The following SLC35F1 variants were observed in gnomAD, a reference collection of about 807,000 sequenced individuals.
SLC35F1 encodes the protein chromosome 6 open reading frame 169.
A neutral mutation model predicts 48.7 loss-of-function variants in SLC35F1; 14 were observed. The observed-to-expected ratio is 0.29, with a 90% CI of 0.19 to 0.45. SLC35F1 has a LOEUF of 0.45. SLC35F1 is among the 20% of genes least tolerant of loss of function. SLC35F1 has a pLI of 1.00. For missense variants in SLC35F1, 404 were observed against 500.0 expected (o/e 0.81, Z 1.83); for synonymous variants, 190 against 202.2 (o/e 0.94, Z 0.51).
At chr6:118,058,874 A>C (rs966242064) in intron 1 of SLC35F1, among the ~76,000 whole-genome samples, 6 of 152,204 alleles carry the variant, frequency 3.9e-5, no homozygotes, top group African/African-American at 1.4e-4. Context: ...AGCAAGATGC[A>C]ATTCATAACC....
chr6:118,142,586 C>T (rs755641229), intron 1 of SLC35F1, among the ~76,000 whole-genome samples: 3 of 152,138 alleles, frequency 2.0e-5, no homozygotes, highest in Admixed American at 6.5e-5. Context: ...TAGAATCATC[C>T]CTGCAGTAGA....
chr6:118,221,709 C>G (rs953215439), intron 2 of SLC35F1, among the ~76,000 whole-genome samples: 1 of 152,204 alleles, frequency 6.6e-6, no homozygotes, highest in Non-Finnish European at 1.5e-5. Flanking sequence ...CTATGTGGCA[C>G]TACATCAGCT....
intron 2 of SLC35F1, among the ~76,000 whole-genome samples, chr6:118,173,622 C>A (rs901146853): frequency 6.6e-6 from 1 of 152,104 alleles, no homozygotes; most frequent in Non-Finnish European, 1.5e-5. Context: ...CCTCCCAGTG[C>A]ATGGCAGTCA....
intron 3 of SLC35F1, among the ~76,000 whole-genome samples, chr6:118,239,059 GTCTCTC>G (rs147633202): frequency 6.7e-6 from 1 of 148,368 alleles, no homozygotes; most frequent in Non-Finnish European, 1.5e-5. Context: ...ATGAGAACAA[GTCTCTC>G]TCTCTCTCTC....
chr6:118,080,068 A>G (rs75687147), intron 1 of SLC35F1, among the ~76,000 whole-genome samples: 124 of 152,350 alleles, frequency 8.1e-4, no homozygotes, highest in African/African-American at 3.0e-3. Context: ...CTCACTGAAC[A>G]TTAAAAAAAT....
At chr6:118,236,968 G>A (rs1011528061) in intron 3 of SLC35F1, among the ~76,000 whole-genome samples, 8 of 152,004 alleles carry the variant, frequency 5.3e-5, no homozygotes, top group Middle Eastern at 6.4e-3. Flanking sequence ...TTAGAGCCCT[G>A]CTCTCCCTAA....
chr6:118,052,161 T>C (rs1386006133), intron 1 of SLC35F1, among the ~76,000 whole-genome samples: 1 of 152,028 alleles, frequency 6.6e-6, no homozygotes, highest in African/African-American at 2.4e-5. Flanking sequence ...TGGTCAAAAA[T>C]AACAACCTGC....
At chr6:118,241,527 A>G (rs73525897) in intron 3 of SLC35F1, among the ~76,000 whole-genome samples, 2,090 of 152,224 alleles carry the variant, frequency 0.014, 35 homozygotes, top group African/African-American at 0.036. Flanking sequence ...ATAATGACAG[A>G]TCCAGGATAT....
chr6:118,172,987 T>C (rs1774429231), intron 2 of SLC35F1, among the ~76,000 whole-genome samples: 1 of 152,100 alleles, frequency 6.6e-6, no homozygotes, highest in Non-Finnish European at 1.5e-5. Flanking sequence ...AGTGAATTTG[T>C]TTTTATAATC....
At chr6:117,940,361 A>G (rs1776214799) in intron 1 of SLC35F1, among the ~76,000 whole-genome samples, 1 of 152,160 alleles carries the variant, frequency 6.6e-6, no homozygotes, top group South Asian at 2.1e-4. Context: ...AATCTATACT[A>G]GGACTGTCTG....
At chr6:117,991,858 T>C (rs1776923155) in intron 1 of SLC35F1, among the ~76,000 whole-genome samples, 1 of 152,196 alleles carries the variant, frequency 6.6e-6, no homozygotes, top group Non-Finnish European at 1.5e-5. Flanking sequence ...ATATATGTAG[T>C]GACCACTTAA....
At chr6:118,021,506 G>A (rs4132664) in intron 1 of SLC35F1, among the ~76,000 whole-genome samples, 49,822 of 151,946 alleles carry the variant, frequency 0.33, 9,940 homozygotes, top group African/African-American at 0.56. Context: ...GAAGAGCATT[G>A]TCACAGTGAA....
At chr6:118,183,357 T>A (rs1413200804) in intron 2 of SLC35F1, among the ~76,000 whole-genome samples, 1 of 152,126 alleles carries the variant, frequency 6.6e-6, no homozygotes, top group Non-Finnish European at 1.5e-5. Flanking sequence ...CACATTTTTC[T>A]TGGTGCTAAG....
chr6:118,224,314 T>G (rs1290241443), intron 2 of SLC35F1, among the ~76,000 whole-genome samples: 1 of 152,226 alleles, frequency 6.6e-6, no homozygotes, highest in Non-Finnish European at 1.5e-5. Context: ...GTGCAAAATT[T>G]TGGCAGTCAT....
intron 1 of SLC35F1, among the ~76,000 whole-genome samples, chr6:117,910,234 TGA>T (rs939070307): frequency 8.5e-5 from 13 of 152,146 alleles, no homozygotes; most frequent in Admixed American, 7.2e-4. Flanking sequence ...TAGGTAAAAG[TGA>T]GAGTATGGGG....
chr6:118,154,130 C>G (rs1582698225), intron 1 of SLC35F1, among the ~76,000 whole-genome samples: 1 of 152,148 alleles, frequency 6.6e-6, no homozygotes, highest in South Asian at 2.1e-4. Flanking sequence ...TTCCCACTAC[C>G]ATTGGCACCC....
chr6:118,213,076 G>T (rs1257761335), intron 2 of SLC35F1, among the ~76,000 whole-genome samples: 2 of 152,078 alleles, frequency 1.3e-5, no homozygotes, highest in African/African-American at 4.8e-5. Flanking sequence ...ATCCATCTGG[G>T]CATCTTTTTA....
At chr6:118,262,835 C>T (rs1190156963) in intron 3 of SLC35F1, among the ~76,000 whole-genome samples, 2 of 152,026 alleles carry the variant, frequency 1.3e-5, no homozygotes, top group Non-Finnish European at 2.9e-5. Flanking sequence ...GCCTGTAATC[C>T]CAGCAGTTTG....
chr6:118,228,874 G>T (rs12530285), intron 2 of SLC35F1, among the ~76,000 whole-genome samples: 5 of 151,810 alleles, frequency 3.3e-5, no homozygotes, highest in Non-Finnish European at 1.5e-5. Context: ...TTGTTCTGGC[G>T]TAAAAACACC....
Sources: allele counts gnomAD v4.1 joint callset (sites outside exome capture counted in the v4.1 genomes callset), GRCh38; gene constraint gnomAD v4.1.1; transcripts MANE v1.5; gene names NCBI Gene and HGNC (gene_info 2026-07-23, HGNC 2026-07-21).